Variants in CACNA1B observed in about 807,000 individuals in gnomAD.
CACNA1B encodes calcium voltage-gated channel subunit alpha1 B.
CACNA1B carries 70 observed loss-of-function variants against 247.2 expected under a neutral mutation model. The observed-to-expected ratio is 0.28, with a 90% CI of 0.23 to 0.35. CACNA1B has a LOEUF of 0.35. Among genes scored for constraint, CACNA1B ranks in the 10% least tolerant of loss-of-function variants. The pLI, the probability that CACNA1B is intolerant of heterozygous loss-of-function variation, is 1.00. For synonymous variants in CACNA1B, 1,231 were observed against 1,294.4 expected (o/e 0.95, Z 1.05); for missense variants, 2,367 against 3,197.4 (o/e 0.74, Z 6.26).
intron 15 of CACNA1B, among the ~76,000 whole-genome samples, chr9:138,003,211 G>A (rs1435978665): frequency 6.8e-6 from 1 of 146,596 alleles, no homozygotes. Flanking sequence ...TGGAGATGGG[G>A]TCTTGCTCTA....
chr9:137,978,819 G>A (rs1958260010), intron 12 of CACNA1B, among the ~76,000 whole-genome samples: 1 of 152,162 alleles, frequency 6.6e-6, no homozygotes, highest in Admixed American at 6.5e-5. Context: ...CAGTGGGTGA[G>A]CCTGGCTTTC....
chr9:137,909,589 C>G (rs989575926), intron 3 of CACNA1B, among the ~76,000 whole-genome samples: 1 of 151,998 alleles, frequency 6.6e-6, no homozygotes, highest in East Asian at 1.9e-4. Flanking sequence ...CCACATTGTG[C>G]GCACACATTC....
intron 16 of CACNA1B, 69 bp from the exon 17 acceptor site, chr9:138,009,941 T>TG (rs1958703307): frequency 4.0e-6 from 5 of 1,239,042 alleles, no homozygotes; most frequent in Non-Finnish European, 5.9e-6. Context: ...TCTGGGGAGA[T>TG]GGGGGAAGCT....
chr9:138,061,071 G>T lies in CACNA1B; in HGVS notation c.4668+1334G>T, dbSNP rs148484907. Among the ~76,000 whole-genome samples, 4 of 152,308 alleles carry T rather than the reference G, an allele frequency of 2.6e-5. No individual in the cohort carries two copies. The East Asian group carries it at 5.8e-4, about 22-fold the overall frequency. On this transcript the variant is annotated intron_variant, in intron 31 of 46. Coordinates refer to ENST00000371372, the MANE Select transcript of CACNA1B (RefSeq NM_000718.4). ...CCCTGGCTGCCGTGGTAATCCAGTC[G>T]CAGTGAAGACTGCGCACAGGAGCGT...
chr9:137,935,084 G>A (rs912091237), intron 6 of CACNA1B, among the ~76,000 whole-genome samples: 2 of 152,108 alleles, frequency 1.3e-5, no homozygotes, highest in African/African-American at 2.4e-5. Context: ...AAAATGATAC[G>A]AGAAATGAGG....
At chr9:137,906,075 G>A (rs2133266066) in intron 3 of CACNA1B, among the ~76,000 whole-genome samples, 1 of 152,308 alleles carries the variant, frequency 6.6e-6, no homozygotes, top group South Asian at 2.1e-4. Flanking sequence ...TTATTCCAGA[G>A]GCTGCTTACA....
chr9:138,014,157 T>G lies in CACNA1B; in HGVS notation c.2267+922T>G, dbSNP rs1958761618. Among the ~76,000 whole-genome samples, 1 of 152,172 alleles carries G rather than the reference T, an allele frequency of 6.6e-6. No homozygotes were observed. Among genetic ancestry groups the G allele is most frequent in the Non-Finnish European group, 1.5e-5 (1 of 68,032 alleles). On this transcript the variant is annotated intron_variant, in intron 18 of 46. Coordinates refer to ENST00000371372, the MANE Select transcript of CACNA1B (RefSeq NM_000718.4). The surrounding 1 kb of genome is among the most constrained non-coding windows in gnomAD (Gnocchi z 6.2). ...GGCATGTGGATGAGTGTGCTAGGTA[T>G]GTGTGTGTGATGTGTGTCTGCACTG... is the stretch of plus-strand genomic sequence containing the variant.
At chr9:138,025,517 T>C (rs1055735410) in intron 20 of CACNA1B, among the ~76,000 whole-genome samples, 2 of 152,210 alleles carry the variant, frequency 1.3e-5, no homozygotes, top group African/African-American at 2.4e-5. Context: ...CTCTTGATGG[T>C]TGCACAAAAG....
chr9:138,042,642 C>A (rs1057177405), intron 20 of CACNA1B, among the ~76,000 whole-genome samples: 7 of 152,112 alleles, frequency 4.6e-5, no homozygotes, highest in African/African-American at 1.7e-4. Context: ...TTGATGGTGC[C>A]CATTTCAAAA....
In CACNA1B at chr9:137,957,432, G is replaced by A. The variant is rs778020167; in HGVS notation, c.1244-166G>A. On this transcript the variant is annotated intron_variant, in intron 9 of 46. Transcript: ENST00000371372. This position sits in a 1 kb window ranked among gnomAD's most constrained non-coding sequence, Gnocchi z 4.7. ...CTTGTCCCTTCAGCTCTGGGGACTG[G>A]GAGGGACCCAAGGGGGCCCACAATC... is the stretch of plus-strand genomic sequence containing the variant. 1.7e-4 allele frequency among the ~76,000 whole-genome samples: 26 copies of A among 152,178 alleles called. No individual in the cohort carries two copies. The highest frequency in any genetic ancestry group is 8.5e-4 in the Admixed American group (13 of 15,284).
intron 11 of CACNA1B, among the ~76,000 whole-genome samples, chr9:137,972,775 G>A (rs539076209): frequency 1.3e-4 from 20 of 152,184 alleles, no homozygotes; most frequent in African/African-American, 3.1e-4. Flanking sequence ...TACGACTTCC[G>A]AACGGGGAGA....
Position 138,010,225 on chromosome 9 carries a change from G to A in CACNA1B, c.2160+148G>A. 2 of 642,902 alleles carry A rather than the reference G, an allele frequency of 3.1e-6. No homozygotes were observed. The highest frequency in any genetic ancestry group is 3.8e-5 in the South Asian group (2 of 53,238). The allele number at this position is 642,902 out of a possible 1,614,324, so 39.8% of individuals were successfully genotyped here. Reference sequence around the variant, plus strand: ...GCAGAGGCTGGTCTGTCACTCAGGGGCTGGAGGCTGGAGCTGAGGATGCAG... The same window carrying A: ...GCAGAGGCTGGTCTGTCACTCAGGGACTGGAGGCTGGAGCTGAGGATGCAG... On this transcript the variant is annotated intron_variant, in intron 17 of 46. Transcript: ENST00000371372. This position sits in a 1 kb window ranked among gnomAD's most constrained non-coding sequence, Gnocchi z 5.3.
At chr9:137,999,201 C>T (rs941822741) in intron 15 of CACNA1B, among the ~76,000 whole-genome samples, 1 of 151,610 alleles carries the variant, frequency 6.6e-6, no homozygotes, top group African/African-American at 2.4e-5. Context: ...CTACTGTACT[C>T]CAGCTTGGGT....
chr9:138,025,115 A>G lies in CACNA1B; in HGVS notation c.3229A>G (p.Ile1077Val), dbSNP rs763169082. Residue 1077 changes from isoleucine to valine, a missense_variant, in exon 20 of 47, where the codon ATT (isoleucine) becomes GTT (valine). Physicochemically the swap from Ile to Val is conservative, Grantham distance 29 (BLOSUM62 3). Coordinates refer to ENST00000371372, the MANE Select transcript of CACNA1B (RefSeq NM_000718.4). ...MGSQPPDPNT[I>V]VHIPVMLTGP... is the part of the protein sequence containing the mutation. ...CAGTCAGCCCCCAGACCCGAACACT[A>G]TTGTACATATCCCAGTGATGCTGAC... 1.2e-6 allele frequency: 2 copies of G among 1,613,452 alleles called. No individual in the cohort carries two copies. The highest frequency in any genetic ancestry group is 1.1e-5 in the South Asian group (1 of 90,876).
chr9:138,009,944 G>C (rs767660126), intron 16 of CACNA1B, 66 bp from the exon 17 acceptor site: 55 of 1,283,844 alleles, frequency 4.3e-5, no homozygotes, highest in Non-Finnish European at 5.4e-5. Flanking sequence ...GGGGAGATGG[G>C]GGAAGCTGCA....
At chr9:137,890,466 T>C (rs4876913) in intron 3 of CACNA1B, 1 of 150,250 alleles carries the variant, frequency 6.7e-6, no homozygotes, top group Non-Finnish European at 1.5e-5. Context: ...GTCTGTCCTT[T>C]ACTCATATGT....
chr9:137,950,020 A>G lies in CACNA1B; in HGVS notation c.967-2254A>G, dbSNP rs945458196. On this transcript the variant is annotated intron_variant, in intron 6 of 46. Coordinates refer to ENST00000371372, the MANE Select transcript of CACNA1B (RefSeq NM_000718.4). The surrounding 1 kb of genome is among the most constrained non-coding windows in gnomAD (Gnocchi z 4.8). ...AACTGGCCATTTTTGGCCTTTCAGC[A>G]TGGGACCTTGGATCTCAGTTAAGCA... 6.6e-6 allele frequency among the ~76,000 whole-genome samples: 1 copy of G among 152,202 alleles called. No homozygotes were observed. Among genetic ancestry groups the G allele is most frequent in the African/African-American group, 2.4e-5 (1 of 41,458 alleles).
intron 10 of CACNA1B, among the ~76,000 whole-genome samples, chr9:137,967,623 G>A (rs2133359946): frequency 6.6e-6 from 1 of 152,334 alleles, no homozygotes; most frequent in Middle Eastern, 3.4e-3. Flanking sequence ...TCGAGTTCCT[G>A]TGTACTCTCA....
chr9:138,104,636 T>G (rs1171893104), intron 38 of CACNA1B, among the ~76,000 whole-genome samples: 1 of 152,146 alleles, frequency 6.6e-6, no homozygotes, highest in Admixed American at 6.5e-5. Context: ...GACTCTGGAT[T>G]TGGGGCCATG....
Sources: allele counts gnomAD v4.1 joint callset (sites outside exome capture counted in the v4.1 genomes callset), GRCh38; gene constraint gnomAD v4.1.1; non-coding constraint Gnocchi (gnomAD v3.1); transcripts MANE v1.5; gene names NCBI Gene and HGNC (gene_info 2026-07-23, HGNC 2026-07-21).